Variants in BDP1 observed in about 807,000 individuals in gnomAD.
The protein encoded by BDP1 is transcription factor TFIIIB component B'' homolog.
Under a neutral mutation model 266.6 loss-of-function variants are expected in BDP1, and 169 were observed. That is an observed-to-expected ratio of 0.63 (90% CI 0.56 to 0.72). BDP1 has a LOEUF of 0.72. BDP1 is among the 30% of genes least tolerant of loss of function. BDP1 has a pLI of 0.00. For missense variants in BDP1, 3,015 were observed against 3,053.8 expected (o/e 0.99, Z 0.30); for synonymous variants, 1,090 against 1,022.4 (o/e 1.07, Z -1.26).
chr5:71,544,140 A>AT (rs1428531728), intron 30 of BDP1, among the ~76,000 whole-genome samples: 1 of 152,178 alleles, frequency 6.6e-6, no homozygotes, highest in Non-Finnish European at 1.5e-5. Flanking sequence ...CATGAGTGAA[A>AT]TTTTTGTAGA....
Position 71,491,109 on chromosome 5 carries a change from A to C in BDP1, c.1618A>C (p.Thr540Pro). The change falls in exon 11 of 39, where the codon ACT (threonine) becomes CCT (proline). Residue 540 changes from threonine (T) to proline (P), a missense_variant. Thr to Pro is a conservative substitution (Grantham distance 38, BLOSUM62 -1). Transcript: ENST00000358731. ...CTCCACTGAAAAAGTTGAGAAAAGA[A>C]CTGACCCCATCCTTTCATTAAGGTA... ...FASTEKVEKR[T>P]DPILSLSNQQ... The C allele has an allele frequency of 6.2e-7, 1 of 1,614,016 alleles. No individual in the cohort carries two copies. Among genetic ancestry groups the C allele is most frequent in the East Asian group, 2.2e-5 (1 of 44,870 alleles).
At chr5:71,491,832 C>T (rs1318737421) in intron 11 of BDP1, among the ~76,000 whole-genome samples, 2 of 152,232 alleles carry the variant, frequency 1.3e-5, no homozygotes, top group Non-Finnish European at 2.9e-5. Context: ...ATCCTCCCAT[C>T]TCAGCCTCCT....
intron 7 of BDP1, among the ~76,000 whole-genome samples, chr5:71,473,547 A>G (rs1364038033): frequency 2.0e-5 from 3 of 152,074 alleles, no homozygotes; most frequent in Non-Finnish European, 4.4e-5. Flanking sequence ...TGCTGGAATT[A>G]TGGGCGTGAG....
chr5:71,537,479 A>ATATTCCTCTG (rs1395544649), intron 26 of BDP1, among the ~76,000 whole-genome samples: 1 of 152,224 alleles, frequency 6.6e-6, no homozygotes, highest in East Asian at 1.9e-4. Context: ...GTTGAGAAAA[A>ATATTCCTCTG]TATTCCTCTG....
At chr5:71,483,243 T>C (rs1039399763) in intron 7 of BDP1, among the ~76,000 whole-genome samples, 6 of 152,202 alleles carry the variant, frequency 3.9e-5, no homozygotes, top group African/African-American at 1.2e-4. Context: ...CACAAACTTA[T>C]GCCCTCAGTC....
At chr5:71,493,674 A>T (rs537080174) in intron 11 of BDP1, among the ~76,000 whole-genome samples, 1 of 152,210 alleles carries the variant, frequency 6.6e-6, no homozygotes, top group Non-Finnish European at 1.5e-5. Flanking sequence ...AAAAACACCA[A>T]CTTTGCAGAG....
intron 25 of BDP1, among the ~76,000 whole-genome samples, chr5:71,527,820 C>CT (rs375443211): frequency 0.034 from 4,774 of 140,014 alleles, 97 homozygotes; most frequent in South Asian, 0.076. Flanking sequence ...TCTTTTAATT[C>CT]TTTTTTTTTT....
At chr5:71,553,705 C>G (rs560039951) in intron 35 of BDP1, among the ~76,000 whole-genome samples, 3 of 152,104 alleles carry the variant, frequency 2.0e-5, no homozygotes, top group South Asian at 2.1e-4. Context: ...GTATCATCAT[C>G]ATCATCATCA....
At chr5:71,535,570 G>T (rs1180315163) in intron 26 of BDP1, among the ~76,000 whole-genome samples, 3 of 152,102 alleles carry the variant, frequency 2.0e-5, no homozygotes, top group African/African-American at 7.2e-5. Context: ...TAACCACAGA[G>T]AATTCTCCAG....
intron 18 of BDP1, 56 bp from the exon 19 acceptor site, chr5:71,513,129 C>G: frequency 7.9e-7 from 1 of 1,266,310 alleles, no homozygotes; most frequent in African/African-American, 1.5e-5. Context: ...TACTGAGACT[C>G]CGTTTCCACT....
intron 26 of BDP1, among the ~76,000 whole-genome samples, chr5:71,537,149 C>CAAAAAAAAAAAAAAA (rs70992979): frequency 2.9e-4 from 24 of 82,426 alleles, no homozygotes; most frequent in Non-Finnish European, 3.9e-4. Flanking sequence ...ACCAAAAAAC[C>CAAAAAAAAAAAAAAA]AAAAAAAAAA....
chr5:71,464,856 C>T (rs1446596914), intron 4 of BDP1, among the ~76,000 whole-genome samples: 1 of 150,512 alleles, frequency 6.6e-6, no homozygotes, highest in African/African-American at 2.4e-5. Context: ...GCAGCTGGGA[C>T]TACGGGTGTG....
At position 71,486,517 on chromosome 5, in the gene BDP1, C is replaced by T; in HGVS notation, c.1103C>T (p.Ala368Val). 1 of 1,540,850 alleles carries T rather than the reference C, an allele frequency of 6.5e-7. No individual in the cohort carries two copies. The highest frequency in any genetic ancestry group is 1.3e-5 in the South Asian group (1 of 77,442). The change falls in exon 9 of 39, where the codon GCT (alanine) becomes GTT (valine). Residue 368 changes from alanine (A) to valine (V), a missense_variant. Coordinates refer to ENST00000358731, the MANE Select transcript of BDP1 (RefSeq NM_018429.3). ...CGCCCTTTTGACTTCGATTTTTTTG[C>T]TCATTTGCTTCAGAAAGTTCTTGCT... ...EKRPFDFDFF[A>V]HLLQKVLAEE...
downstream of BDP1, among the ~76,000 whole-genome samples, chr5:71,571,406 C>T (rs192347235): frequency 1.3e-5 from 2 of 152,308 alleles, no homozygotes; most frequent in East Asian, 1.9e-4. Context: ...CCTCGGCCTC[C>T]CAAAGTTCTG....
chr5:71,467,218 C>A, intron 5 of BDP1, 136 bp from the exon 6 acceptor site: 1 of 679,070 alleles, frequency 1.5e-6, no homozygotes, highest in Admixed American at 2.9e-5. Flanking sequence ...TGGAAAATAC[C>A]CATATTTCAC....
chr5:71,500,615 C>T (rs1440670422), intron 13 of BDP1, among the ~76,000 whole-genome samples: 2 of 152,110 alleles, frequency 1.3e-5, no homozygotes, highest in Non-Finnish European at 2.9e-5. Flanking sequence ...GCGTGAGCCA[C>T]CATGCCCAGC....
intron 13 of BDP1, among the ~76,000 whole-genome samples, chr5:71,501,096 CAAA>C (rs56336806): frequency 5.2e-5 from 7 of 135,830 alleles, no homozygotes; most frequent in Non-Finnish European, 4.8e-5. Flanking sequence ...GACCCTGTCT[CAAA>C]AAAAAAAAAA....
Position 71,564,791 on chromosome 5 carries a change from A to C in BDP1, c.7781A>C (p.Lys2594Thr). Residue 2594 changes from lysine to threonine, a missense_variant, in exon 39 of 39, where the codon AAA becomes ACA. Lys to Thr is a moderately conservative substitution (Grantham distance 78). Transcript: ENST00000358731. ...CAGCCCTTACTGAAAGAAGGATATA[A>C]AAGTGCCCAAAAGCGGGCCCCTCAA... ...CDQPLLKEGYKSAQKRAPQGE... is the reference protein window; with the variant it reads ...CDQPLLKEGYTSAQKRAPQGE... 2 of 1,610,918 alleles carry C rather than the reference A, an allele frequency of 1.2e-6. No individual in the cohort carries two copies. Among genetic ancestry groups the C allele is most frequent in the South Asian group, 1.1e-5 (1 of 90,774 alleles).
chr5:71,553,116 T>G lies in BDP1; in HGVS notation c.6996T>G (p.Ser2332Arg). The G allele has an allele frequency of 6.2e-7, 1 of 1,608,902 alleles. No homozygotes were observed. Among genetic ancestry groups the G allele is most frequent in the East Asian group, 2.2e-5 (1 of 44,800 alleles). ...SVNTEERGDM[S>R]ICLPATSVGQ... is the part of the protein sequence containing the mutation. ...TAGTATGTATTTCTTTTCTATGCAG[T>G]ATTTGTTTACCAGCAACTTCAGTTG... Residue 2332 changes from serine (S) to arginine (R), a missense_variant and splice_region_variant, in exon 35 of 39, where the codon AGT (serine) becomes AGG (arginine). This residue lies in a region of BDP1 where 629 missense variants were observed against 632.5 expected (regional missense o/e 0.99). Coordinates refer to ENST00000358731, the MANE Select transcript of BDP1 (RefSeq NM_018429.3).
Sources: gnomAD v4.1 joint callset for allele counts (sites outside exome capture counted in the v4.1 genomes callset) on GRCh38, gnomAD v4.1.1 for gene constraint, gnomAD v4.1.1 regional missense constraint, MANE v1.5 for transcripts, NCBI Gene and HGNC (gene_info 2026-07-23, HGNC 2026-07-21) for gene names.